Variants in SDK1 observed in about 807,000 individuals in gnomAD.
The protein encoded by SDK1 is sidekick cell adhesion molecule 1.
Under a neutral mutation model 245.5 loss-of-function variants are expected in SDK1, and 157 were observed. The observed-to-expected ratio is 0.64, with a 90% CI of 0.56 to 0.73. The LOEUF (loss-of-function observed/expected upper bound fraction) is 0.73, where lower values mean the gene tolerates loss of function less well. Among genes scored for constraint, SDK1 ranks in the 30% least tolerant of loss-of-function variants. The pLI, the probability that SDK1 is intolerant of heterozygous loss-of-function variation, is 0.00. For missense variants in SDK1, 3,583 were observed against 3,002.3 expected, an observed-to-expected ratio of 1.19 and a Z score of -4.52; for synonymous variants, 1,647 against 1,278.5, an observed-to-expected ratio of 1.29 and a Z score of -6.15.
chr7:3,620,735 G>C (rs1363852314), intron 2 of SDK1, among the ~76,000 whole-genome samples: 1 of 152,100 alleles, frequency 6.6e-6, no homozygotes, highest in East Asian at 1.9e-4. Context: ...GAGCAGAGCT[G>C]CCCCCATCAA....
In SDK1 at chr7:3,725,492, CTG is replaced by C. The variant is rs530755179; in HGVS notation, c.713+83390_713+83391del. Among the ~76,000 whole-genome samples, 157 of 152,312 alleles carry C rather than the reference CTG, an allele frequency of 1.0e-3. 1 individual carries two copies. Among genetic ancestry groups the C allele is most frequent in the African/African-American group, 3.7e-3 (152 of 41,564 alleles). ...TCTCTATTCATAGTTACACAAGAAA[CTG>C]TGATGAGATCCCCTTAAGAGAATAT... On this transcript the variant is annotated intron_variant, in intron 4 of 44. Coordinates refer to ENST00000404826, the MANE Select transcript of SDK1 (RefSeq NM_152744.4).
At chr7:3,323,795 T>C (rs1285358068) in intron 1 of SDK1, among the ~76,000 whole-genome samples, 3 of 152,248 alleles carry the variant, frequency 2.0e-5, no homozygotes, top group Non-Finnish European at 4.4e-5. Context: ...AGATCTCATC[T>C]TTAGTTACAG....
intron 35 of SDK1, among the ~76,000 whole-genome samples, chr7:4,194,863 A>C (rs595784): frequency 1.3e-5 from 2 of 151,992 alleles, no homozygotes; most frequent in Admixed American, 1.3e-4. Flanking sequence ...GTTGACACTC[A>C]GTATTAACCA....
At chr7:3,511,330 G>A (rs1284312333) in intron 1 of SDK1, among the ~76,000 whole-genome samples, 2 of 152,108 alleles carry the variant, frequency 1.3e-5, no homozygotes, top group Non-Finnish European at 2.9e-5. Context: ...CGTGTGTTGA[G>A]ATTTTGCATT....
At chr7:3,790,251 A>G (rs1451737944) in intron 4 of SDK1, among the ~76,000 whole-genome samples, 1 of 152,196 alleles carries the variant, frequency 6.6e-6, no homozygotes, top group African/African-American at 2.4e-5. Context: ...GTTCAGAGAG[A>G]GGACTTTCAG....
rs1357134673 is a variant in SDK1 at position 3,951,809 on chromosome 7, C to G, written c.1039C>G (p.Leu347Val). The change falls in exon 7 of 45, where the codon CTC becomes GTC. Residue 347 changes from leucine (L) to valine (V), a missense_variant. Physicochemically the swap from Leu to Val is conservative, Grantham distance 32. Transcript: ENST00000404826. The stretch of plus-strand genomic sequence containing the variant: ...TGGCCTCCACAGCTTTGGAAGACGC[C>G]TCACCATCAGCAACCCGACGTCCGC... ...TSGLHSFGRR[L>V]TISNPTSADT... The G allele has an allele frequency of 6.2e-7, 1 of 1,613,794 alleles. No individual in the cohort carries two copies. Among genetic ancestry groups the G allele is most frequent in the African/African-American group, 1.3e-5 (1 of 74,914 alleles).
At chr7:3,452,721 A>G (rs1186852968) in intron 1 of SDK1, among the ~76,000 whole-genome samples, 1 of 152,112 alleles carries the variant, frequency 6.6e-6, no homozygotes, top group Non-Finnish European at 1.5e-5. Context: ...ATAGTCATTG[A>G]CTTTGTGTGG....
At chr7:3,500,299 T>TTG (rs1392696588) in intron 1 of SDK1, among the ~76,000 whole-genome samples, 8 of 152,302 alleles carry the variant, frequency 5.3e-5, no homozygotes, top group African/African-American at 1.9e-4. Context: ...TGGACTACTC[T>TTG]TGTGTTAGTG....
chr7:3,597,319 T>C (rs1293580924), intron 1 of SDK1, among the ~76,000 whole-genome samples: 1 of 151,284 alleles, frequency 6.6e-6, no homozygotes, highest in African/African-American at 2.4e-5. Context: ...GTTTATGTTA[T>C]CTAGTTACAG....
rs752485130 is a variant in SDK1 at position 4,145,780 on chromosome 7, G to A, written c.4287G>A (p.Glu1429=). ...GCCCCCACACCTTCACCACCGTGGA[G>A]GTCGGCGCCACAGTGAGGCAGTTCA... ...SSSPHTFTTV[E]VGATVRQFTA... is the part of the protein sequence containing the mutation. Residue 1429 remains glutamate (E), a synonymous_variant, in exon 29 of 45, where the codon GAG becomes GAA. Coordinates refer to ENST00000404826, the MANE Select transcript of SDK1 (RefSeq NM_152744.4). 1 of 1,613,588 alleles carries A rather than the reference G, an allele frequency of 6.2e-7. No individual in the cohort carries two copies. Among genetic ancestry groups the A allele is most frequent in the African/African-American group, 1.3e-5 (1 of 74,898 alleles).
Position 4,265,218 on chromosome 7 carries a change from G to A in SDK1, c.6476G>A (p.Arg2159Lys). 9.3e-6 allele frequency: 15 copies of A among 1,609,912 alleles called. No individual in the cohort carries two copies. The highest frequency in any genetic ancestry group is 1.3e-5 in the Non-Finnish European group (15 of 1,179,486). Reference protein sequence around the residue: ...DPTYYNSWKRRAQGRAPAPHR... With the variant: ...DPTYYNSWKRKAQGRAPAPHR... ...ACCTACTACAACTCATGGAAGCGCA[G>A]GGCCCAGGGCCGCGCACCTGCGCCG... The change falls in exon 45 of 45, where the codon AGG becomes AAG. Residue 2159 changes from arginine (R) to lysine (K), a missense_variant. Physicochemically the swap from Arg to Lys is conservative, Grantham distance 26 (BLOSUM62 2). Transcript: ENST00000404826.
At chr7:3,476,963 G>C (rs1316601011) in intron 1 of SDK1, among the ~76,000 whole-genome samples, 1 of 152,204 alleles carries the variant, frequency 6.6e-6, no homozygotes, top group Non-Finnish European at 1.5e-5. Flanking sequence ...CTGTAGGCGT[G>C]AGGGAAGCCA....
chr7:4,139,717 G>A (rs536890057), intron 28 of SDK1, among the ~76,000 whole-genome samples: 795 of 34,988 alleles, frequency 0.023, 21 homozygotes, highest in Admixed American at 0.1. Context: ...GTGTGTGTGT[G>A]TGTATGTGTG....
At chr7:3,503,556 A>G (rs1258645870) in intron 1 of SDK1, among the ~76,000 whole-genome samples, 1 of 152,122 alleles carries the variant, frequency 6.6e-6, no homozygotes, top group Non-Finnish European at 1.5e-5. Flanking sequence ...TGTTACTTAT[A>G]GTCCTAGCTA....
intron 4 of SDK1, among the ~76,000 whole-genome samples, chr7:3,781,132 C>T (rs1228886744): frequency 6.6e-6 from 1 of 152,096 alleles, no homozygotes; most frequent in East Asian, 1.9e-4. Context: ...AGGAACATAG[C>T]CTCTGGTCTG....
At chr7:4,090,075 C>A (rs1276910093) in intron 22 of SDK1, among the ~76,000 whole-genome samples, 3 of 152,196 alleles carry the variant, frequency 2.0e-5, no homozygotes, top group Admixed American at 6.5e-5. Context: ...GGAAGTGATG[C>A]TGGGCACCTC....
intron 22 of SDK1, among the ~76,000 whole-genome samples, chr7:4,080,789 A>G (rs1562780823): frequency 6.6e-6 from 1 of 152,170 alleles, no homozygotes. Flanking sequence ...GCACACCAAC[A>G]TGGCACATGT....
intron 1 of SDK1, among the ~76,000 whole-genome samples, chr7:3,560,008 A>G (rs1212999856): frequency 6.6e-6 from 1 of 152,250 alleles, no homozygotes; most frequent in Non-Finnish European, 1.5e-5. Flanking sequence ...AGAAATGTGT[A>G]GCCCCAGGAG....
rs1275333840 is a variant in SDK1, at chr7:4,268,170, T to A, written c.*2786T>A. Reference sequence around the variant, plus strand: ...GCCTCATGACAGCAGTGGCTGAGTCTCCCCACCCACCCCCAACGTGGCTCA... The same window carrying A: ...GCCTCATGACAGCAGTGGCTGAGTCACCCCACCCACCCCCAACGTGGCTCA... On this transcript the variant is annotated 3_prime_UTR_variant, in exon 45 of 45. Transcript: ENST00000404826. 1 of 986,892 alleles carries A rather than the reference T, an allele frequency of 1.0e-6. No individual in the cohort carries two copies. Among genetic ancestry groups the A allele is most frequent in the South Asian group, 4.7e-5 (1 of 21,380 alleles). 61.1% of individuals were successfully genotyped at this position (986,892 alleles called of 1,614,324 possible).
Sources: gnomAD v4.1 joint callset for allele counts (sites outside exome capture counted in the v4.1 genomes callset) on GRCh38, gnomAD v4.1.1 for gene constraint, MANE v1.5 for transcripts, NCBI Gene and HGNC (gene_info 2026-07-23, HGNC 2026-07-21) for gene names.